Variants in CAMK4 observed in about 807,000 individuals in gnomAD.
CAMK4 encodes calcium/calmodulin dependent protein kinase IV.
A neutral mutation model predicts 44.9 loss-of-function variants in CAMK4; 22 were observed. The ratio of observed to expected loss-of-function variants is 0.49; its 90% confidence interval spans 0.35 to 0.70. The LOEUF is 0.70. Among genes scored for constraint, CAMK4 ranks in the 30% least tolerant of loss-of-function variants. The pLI is 0.01. For synonymous variants in CAMK4, 218 were observed against 215.4 expected, an observed-to-expected ratio of 1.01 and a Z score of -0.11; for missense variants, 498 against 586.8, an observed-to-expected ratio of 0.85 and a Z score of 1.56.
At chr5:111,276,012 T>C (rs1316180446) in intron 1 of CAMK4, among the ~76,000 whole-genome samples, 2 of 152,196 alleles carry the variant, frequency 1.3e-5, no homozygotes, top group Non-Finnish European at 2.9e-5. Flanking sequence ...TCAAATATTA[T>C]TGACAATTCA....
intron 7 of CAMK4, among the ~76,000 whole-genome samples, chr5:111,465,087 C>T (rs1754777267): frequency 6.6e-6 from 1 of 152,060 alleles, no homozygotes; most frequent in South Asian, 2.1e-4. Flanking sequence ...CCTAATTCTG[C>T]CCTGTGGAGT....
At chr5:111,464,448 C>T (rs1015171986) in intron 7 of CAMK4, among the ~76,000 whole-genome samples, 1 of 152,074 alleles carries the variant, frequency 6.6e-6, no homozygotes, top group Non-Finnish European at 1.5e-5. Flanking sequence ...CCTGGCCTTG[C>T]TAGAGATCTA....
intron 2 of CAMK4, among the ~76,000 whole-genome samples, chr5:111,361,178 A>G (rs1335384309): frequency 6.6e-6 from 1 of 152,026 alleles, no homozygotes; most frequent in Non-Finnish European, 1.5e-5. Context: ...CTAAGATGTA[A>G]TTGATGAAGC....
chr5:111,382,075 A>G (rs1340308521), intron 4 of CAMK4, among the ~76,000 whole-genome samples: 2 of 152,196 alleles, frequency 1.3e-5, no homozygotes, highest in Admixed American at 1.3e-4. Flanking sequence ...ATCTGTTTAT[A>G]CATGGAAAAT....
intron 1 of CAMK4, among the ~76,000 whole-genome samples, chr5:111,229,992 G>A (rs1187081468): frequency 1.3e-5 from 2 of 152,158 alleles, no homozygotes; most frequent in Non-Finnish European, 2.9e-5. Flanking sequence ...CTCAACAAAT[G>A]ATTTTAAAGA....
chr5:111,239,090 ATCTTGAGT>A (rs1748875443), intron 1 of CAMK4, among the ~76,000 whole-genome samples: 6 of 151,950 alleles, frequency 3.9e-5, no homozygotes, highest in Admixed American at 3.9e-4. Context: ...AACTTGGCGC[ATCTTGAGT>A]ATCATATGTT....
intron 5 of CAMK4, among the ~76,000 whole-genome samples, chr5:111,407,089 C>T (rs895736050): frequency 1.3e-5 from 2 of 152,162 alleles, no homozygotes; most frequent in South Asian, 2.1e-4. Flanking sequence ...TGCGATGGCT[C>T]ATGCCTGTAA....
At chr5:111,475,036 G>A (rs1015326225) in intron 8 of CAMK4, among the ~76,000 whole-genome samples, 2 of 152,136 alleles carry the variant, frequency 1.3e-5, no homozygotes, top group African/African-American at 2.4e-5. Context: ...GGTAGTGGGC[G>A]CCTGTAGTCC....
intron 2 of CAMK4, among the ~76,000 whole-genome samples, chr5:111,362,343 T>C (rs1750626640): frequency 6.6e-6 from 1 of 152,068 alleles, no homozygotes. Flanking sequence ...ATGTCTAACA[T>C]TAGGGCTAGG....
intron 1 of CAMK4, among the ~76,000 whole-genome samples, chr5:111,249,664 ATATGTG>A (rs1408680720): frequency 5.4e-4 from 66 of 121,682 alleles, no homozygotes; most frequent in African/African-American, 1.6e-3. Flanking sequence ...GTGTGTATAT[ATATGTG>A]TGTGTGTGTG....
intron 7 of CAMK4, among the ~76,000 whole-genome samples, chr5:111,469,172 AATATATATATATATAT>A (rs1229770102): frequency 6.3e-4 from 20 of 31,974 alleles, no homozygotes; most frequent in South Asian, 1.4e-3. Flanking sequence ...AAAAAAAAAA[AATATATATATATATAT>A]ATATATATAT....
intron 5 of CAMK4, among the ~76,000 whole-genome samples, chr5:111,437,306 T>C (rs766950856): frequency 6.6e-6 from 1 of 152,230 alleles, no homozygotes; most frequent in Non-Finnish European, 1.5e-5. Context: ...GAATAAAAGG[T>C]CTAGATTACT....
At chr5:111,308,512 A>G (rs545207563) in intron 1 of CAMK4, among the ~76,000 whole-genome samples, 18 of 152,336 alleles carry the variant, frequency 1.2e-4, no homozygotes, top group African/African-American at 3.4e-4. Context: ...ATATTTATCT[A>G]CAAGCTACAA....
At chr5:111,348,949 T>C (rs564873796) in intron 2 of CAMK4, among the ~76,000 whole-genome samples, 10 of 152,058 alleles carry the variant, frequency 6.6e-5, no homozygotes, top group Non-Finnish European at 1.2e-4. Context: ...AAATGATAAC[T>C]GAACCACTTT....
chr5:111,387,805 C>A (rs146256843), intron 4 of CAMK4, among the ~76,000 whole-genome samples: 270 of 152,326 alleles, frequency 1.8e-3, no homozygotes, highest in African/African-American at 6.2e-3. Flanking sequence ...AATTTTACCA[C>A]AGTGCCCTGC....
chr5:111,331,993 TC>T (rs1172765290), intron 1 of CAMK4, among the ~76,000 whole-genome samples: 2 of 151,672 alleles, frequency 1.3e-5, no homozygotes, highest in African/African-American at 4.8e-5. Context: ...GAAATCTAAC[TC>T]CGTTTTAAAA....
At chr5:111,355,807 C>A (rs931602794) in intron 2 of CAMK4, among the ~76,000 whole-genome samples, 6 of 149,754 alleles carry the variant, frequency 4.0e-5, no homozygotes, top group Non-Finnish European at 5.9e-5. Context: ...CCAATTTCAT[C>A]CATGTCCCTA....
chr5:111,456,319 G>A (rs746486465), intron 7 of CAMK4, among the ~76,000 whole-genome samples: 2 of 151,856 alleles, frequency 1.3e-5, no homozygotes, highest in Admixed American at 6.6e-5. Flanking sequence ...GGCTAACCCC[G>A]TCTCTTCTAA....
intron 1 of CAMK4, among the ~76,000 whole-genome samples, chr5:111,296,888 C>G (rs749455656): frequency 1.3e-5 from 2 of 152,164 alleles, no homozygotes; most frequent in African/African-American, 4.8e-5. Context: ...TAAATCAATA[C>G]ATTTTAGACA....
Sources: gnomAD v4.1 joint callset for allele counts (sites outside exome capture counted in the v4.1 genomes callset) on GRCh38, gnomAD v4.1.1 for gene constraint, MANE v1.5 for transcripts, NCBI Gene and HGNC (gene_info 2026-07-23, HGNC 2026-07-21) for gene names.